SLC5A4: variants seen among roughly 807,000 people sequenced by gnomAD.
SLC5A4 encodes probable glucose sensor protein SLC5A4.
A neutral mutation model predicts 70.3 loss-of-function variants in SLC5A4; 55 were observed. The ratio of observed to expected loss-of-function variants is 0.78; its 90% CI spans 0.63 to 0.98. The LOEUF (loss-of-function observed/expected upper bound fraction) is 0.98. SLC5A4 is among the 50% of genes least tolerant of loss of function. The pLI is 0.00. For synonymous variants in SLC5A4, 268 were observed against 305.7 expected, an observed-to-expected ratio of 0.88 and a Z score of 1.29; for missense variants, 735 against 839.2, an observed-to-expected ratio of 0.88 and a Z score of 1.53.
intron 11 of SLC5A4, among the ~76,000 whole-genome samples, chr22:32,226,418 G>A (rs1925401993): frequency 6.6e-6 from 1 of 152,200 alleles, no homozygotes; most frequent in Admixed American, 6.5e-5. Flanking sequence ...TGCTTGTTCT[G>A]TGAGTAAATG....
At chr22:32,325,538 GGA>G in the SLC5A4 span, among the ~76,000 whole-genome samples, 1 of 152,234 alleles carries the variant, frequency 6.6e-6, no homozygotes, top group Non-Finnish European at 1.5e-5. Context: ...GGGTGAGTAT[GGA>G]GAGGCAGCAG....
At chr22:32,333,969 TAC>T in the SLC5A4 span, among the ~76,000 whole-genome samples, 58 of 142,594 alleles carry the variant, frequency 4.1e-4, no homozygotes, top group African/African-American at 1.4e-3. Context: ...ACCCACAATA[TAC>T]ACACACACCA....
the SLC5A4 span, among the ~76,000 whole-genome samples, chr22:32,290,014 C>CT: frequency 6.6e-6 from 1 of 152,064 alleles, no homozygotes; most frequent in African/African-American, 2.4e-5. Flanking sequence ...TCTAGAAGAG[C>CT]TTATGATTGG....
At chr22:32,335,871 G>A in the SLC5A4 span, among the ~76,000 whole-genome samples, 4 of 152,224 alleles carry the variant, frequency 2.6e-5, no homozygotes, top group South Asian at 2.1e-4. Context: ...GTGCTTAGGA[G>A]GAGCAGGGAG....
the SLC5A4 span, among the ~76,000 whole-genome samples, chr22:32,307,082 A>G: frequency 6.6e-6 from 1 of 152,092 alleles, no homozygotes; most frequent in East Asian, 1.9e-4. Context: ...CCCAAGGGTA[A>G]CCATTCTCAG....
intron 5 of SLC5A4, among the ~76,000 whole-genome samples, chr22:32,240,417 G>T (rs919912184): frequency 6.7e-6 from 1 of 149,824 alleles, no homozygotes; most frequent in African/African-American, 2.5e-5. Context: ...ACAATTTCCT[G>T]CTAGTTATTA....
the SLC5A4 span, among the ~76,000 whole-genome samples, chr22:32,342,208 G>A: frequency 4.9e-4 from 74 of 152,310 alleles, 1 homozygote; most frequent in African/African-American, 1.7e-3. Flanking sequence ...TGCTTTAGAT[G>A]TAAGAACTGA....
At chr22:32,271,550 C>A in the SLC5A4 span, 1 of 708,904 alleles carries the variant, frequency 1.4e-6, no homozygotes, top group Non-Finnish European at 2.6e-6. Context: ...CAGGTGGCCG[C>A]ACAGAGGAGA....
chr22:32,319,484 G>C, the SLC5A4 span, among the ~76,000 whole-genome samples: 1 of 152,206 alleles, frequency 6.6e-6, no homozygotes, highest in Non-Finnish European at 1.5e-5. Context: ...ACTGACACTG[G>C]AACTCACATC....
intron 8 of SLC5A4, among the ~76,000 whole-genome samples, chr22:32,233,457 C>T (rs1053509966): frequency 1.3e-5 from 2 of 151,912 alleles, no homozygotes; most frequent in Middle Eastern, 3.4e-3. Context: ...CCCTGAAGGA[C>T]GGAATAAACT....
the SLC5A4 span, among the ~76,000 whole-genome samples, chr22:32,312,253 G>T: frequency 1.3e-5 from 2 of 152,088 alleles, no homozygotes; most frequent in African/African-American, 4.8e-5. Context: ...CATTGACACG[G>T]ATGAGAACCC....
At chr22:32,284,775 T>C in the SLC5A4 span, 2 of 152,354 alleles carry the variant, frequency 1.3e-5, no homozygotes, top group Non-Finnish European at 2.9e-5. Flanking sequence ...AAGGGAAATA[T>C]TGTGGTAATT....
At chr22:32,228,487 A>C (rs1603226429) in intron 11 of SLC5A4, among the ~76,000 whole-genome samples, 1 of 152,080 alleles carries the variant, frequency 6.6e-6, no homozygotes, top group East Asian at 1.9e-4. Flanking sequence ...GGTTCCAGTG[A>C]ACTGGGAGCA....
intron 5 of SLC5A4, among the ~76,000 whole-genome samples, chr22:32,244,626 G>A (rs935379047): frequency 6.6e-6 from 1 of 152,090 alleles, no homozygotes; most frequent in African/African-American, 2.4e-5. Flanking sequence ...TAGCTCCTGG[G>A]TTCAAGTGAT....
At chr22:32,325,252 G>A in the SLC5A4 span, among the ~76,000 whole-genome samples, 1 of 152,236 alleles carries the variant, frequency 6.6e-6, no homozygotes, top group African/African-American at 2.4e-5. Context: ...TGCGGGCCCT[G>A]CCCTCGAGGG....
At chr22:32,272,271 A>G in the SLC5A4 span, 1 of 804,086 alleles carries the variant, frequency 1.2e-6, no homozygotes, top group Non-Finnish European at 2.2e-6. Context: ...CTTGACCAAG[A>G]ACAAGTTCAG....
At chr22:32,334,120 T>C in the SLC5A4 span, among the ~76,000 whole-genome samples, 3 of 138,338 alleles carry the variant, frequency 2.2e-5, no homozygotes, top group South Asian at 4.8e-4. Context: ...CCACACAATA[T>C]ACATATACAC....
the SLC5A4 span, among the ~76,000 whole-genome samples, chr22:32,283,434 G>A: frequency 6.6e-6 from 1 of 152,206 alleles, no homozygotes; most frequent in East Asian, 1.9e-4. Flanking sequence ...CTTTAAAGTT[G>A]AATTTGCACC....
chr22:32,266,437 G>A, the SLC5A4 span, among the ~76,000 whole-genome samples: 1 of 152,160 alleles, frequency 6.6e-6, no homozygotes, highest in Admixed American at 6.5e-5. Context: ...GGTTCAATAT[G>A]TCTGCAATAG....
Sources: gnomAD v4.1 joint callset for allele counts (sites outside exome capture counted in the v4.1 genomes callset) on GRCh38, gnomAD v4.1.1 for gene constraint, MANE v1.5 for transcripts, NCBI Gene and HGNC (gene_info 2026-07-23, HGNC 2026-07-21) for gene names.